The following MAML3 variants were observed in gnomAD, a reference collection of about 807,000 sequenced individuals.
The protein encoded by MAML3 is mastermind like transcriptional coactivator 3.
A neutral mutation model predicts 101.9 loss-of-function variants in MAML3; 27 were observed. That is an observed-to-expected ratio of 0.27 (90% CI 0.20 to 0.37). The LOEUF is 0.37. Ranked by LOEUF, MAML3 falls within the 10% of genes least tolerant of loss-of-function variation. The pLI is 1.00. For missense variants in MAML3, 1,316 were observed against 1,444.9 expected, an observed-to-expected ratio of 0.91 and a Z score of 1.45; for synonymous variants, 501 against 555.9, an observed-to-expected ratio of 0.90 and a Z score of 1.39.
intron 2 of MAML3, among the ~76,000 whole-genome samples, chr4:139,782,728 T>C (rs1017825154): frequency 2.6e-5 from 4 of 152,144 alleles, no homozygotes; most frequent in African/African-American, 7.2e-5. Context: ...CCAGAGCTAG[T>C]GGTGTGCGCA....
At chr4:139,790,639 A>C (rs996258274) in intron 2 of MAML3, among the ~76,000 whole-genome samples, 10 of 152,064 alleles carry the variant, frequency 6.6e-5, no homozygotes, top group Admixed American at 4.6e-4. Context: ...GAATTGTGTA[A>C]TATTTGTTTT....
chr4:139,717,866 T>G lies in MAML3; in HGVS notation c.*1457A>C, dbSNP rs773765788. ...GAGGGGAGGCAAGGAGCCTTGTTGATTCCTTCTGACAGATTTCGCTTAGGG... is the reference window on the plus strand; with the variant it reads ...GAGGGGAGGCAAGGAGCCTTGTTGAGTCCTTCTGACAGATTTCGCTTAGGG... On this transcript the variant is annotated 3_prime_UTR_variant, in exon 5 of 5. Transcript: ENST00000509479. 6.6e-6 allele frequency: 1 copy of G among 152,070 alleles called. No homozygotes were observed. Among genetic ancestry groups the G allele is most frequent in the Non-Finnish European group, 1.5e-5 (1 of 68,044 alleles). The allele number at this position is 152,070 out of a possible 1,614,324, so 9.4% of individuals were successfully genotyped here. A position where few individuals can be genotyped will look rare whatever the true frequency, so the allele number is the denominator to read the frequency against.
chr4:140,080,899 A>G (rs1414782146), intron 1 of MAML3, among the ~76,000 whole-genome samples: 3 of 152,244 alleles, frequency 2.0e-5, no homozygotes, highest in African/African-American at 7.2e-5. Context: ...GAAATTCTGA[A>G]TTGAGCAGGC....
At chr4:140,107,782 G>A (rs182793583) in intron 1 of MAML3, among the ~76,000 whole-genome samples, 75 of 151,434 alleles carry the variant, frequency 5.0e-4, no homozygotes, top group African/African-American at 1.7e-3. Context: ...TGGGATTACC[G>A]GCATGAGCCA....
At chr4:140,045,912 T>C (rs181642941) in intron 1 of MAML3, among the ~76,000 whole-genome samples, 17 of 152,330 alleles carry the variant, frequency 1.1e-4, no homozygotes, top group African/African-American at 4.1e-4. Context: ...CCTAGTCTTC[T>C]AGGGTTAAGC....
intron 2 of MAML3, among the ~76,000 whole-genome samples, chr4:139,779,256 A>C (rs1458303143): frequency 2.0e-5 from 3 of 152,146 alleles, no homozygotes; most frequent in Admixed American, 1.3e-4. Context: ...GGGCTCTATA[A>C]ATGCTAATGA....
At chr4:140,040,315 G>A (rs1231212825) in intron 1 of MAML3, among the ~76,000 whole-genome samples, 6 of 152,192 alleles carry the variant, frequency 3.9e-5, no homozygotes, top group African/African-American at 1.2e-4. Context: ...GAAATATACC[G>A]TGAACTCCGG....
intron 1 of MAML3, among the ~76,000 whole-genome samples, chr4:140,064,774 C>T (rs372856234): frequency 1.3e-5 from 2 of 152,206 alleles, no homozygotes; most frequent in Non-Finnish European, 2.9e-5. Flanking sequence ...ATCACCACTT[C>T]TCTCTCCTGA....
chr4:139,940,727 T>C (rs1424388179), intron 1 of MAML3, among the ~76,000 whole-genome samples: 2 of 152,142 alleles, frequency 1.3e-5, no homozygotes, highest in African/African-American at 2.4e-5. Context: ...CCTGAATAAT[T>C]TGATGTGGAT....
chr4:140,118,347 T>A (rs1436917837), intron 1 of MAML3, among the ~76,000 whole-genome samples: 1 of 152,092 alleles, frequency 6.6e-6, no homozygotes, highest in African/African-American at 2.4e-5. Context: ...TATACACCTA[T>A]CTCATTAGGT....
intron 2 of MAML3, among the ~76,000 whole-genome samples, chr4:139,862,732 T>C (rs774924263): frequency 6.6e-6 from 1 of 152,022 alleles, no homozygotes; most frequent in East Asian, 1.9e-4. Context: ...TGAATACCCA[T>C]ATAAGAAGTG....
chr4:140,098,601 A>C (rs1285863625), intron 1 of MAML3, among the ~76,000 whole-genome samples: 2 of 152,246 alleles, frequency 1.3e-5, no homozygotes, highest in African/African-American at 4.8e-5. Context: ...AACTGGACGC[A>C]GTACCAATGC....
chr4:140,148,633 T>C (rs1221628510), intron 1 of MAML3, among the ~76,000 whole-genome samples: 1 of 152,076 alleles, frequency 6.6e-6, no homozygotes, highest in Admixed American at 6.5e-5. Context: ...GCCAAAAAAA[T>C]TGATACAGAG....
chr4:140,115,814 T>C (rs1245733573), intron 1 of MAML3, among the ~76,000 whole-genome samples: 3 of 152,244 alleles, frequency 2.0e-5, no homozygotes, highest in Admixed American at 6.5e-5. Flanking sequence ...GATTCTTTTT[T>C]ATAATGTAAA....
At chr4:139,926,531 C>T (rs1013140369) in intron 1 of MAML3, among the ~76,000 whole-genome samples, 9 of 152,050 alleles carry the variant, frequency 5.9e-5, no homozygotes, top group African/African-American at 2.2e-4. Context: ...ACCTGGGAGG[C>T]GGAGCTTGCA....
At chr4:140,092,267 C>G (rs1442547802) in intron 1 of MAML3, among the ~76,000 whole-genome samples, 3 of 151,974 alleles carry the variant, frequency 2.0e-5, no homozygotes, top group African/African-American at 7.3e-5. Flanking sequence ...TGCAAGGAAA[C>G]TTTCAGAAAA....
At chr4:139,751,693 T>C (rs1441536599) in intron 2 of MAML3, among the ~76,000 whole-genome samples, 1 of 152,152 alleles carries the variant, frequency 6.6e-6, no homozygotes, top group Non-Finnish European at 1.5e-5. Context: ...ATGGGTGGGT[T>C]TGATGGACCC....
intron 2 of MAML3, among the ~76,000 whole-genome samples, chr4:139,867,287 T>G (rs1314724258): frequency 6.6e-6 from 1 of 152,218 alleles, no homozygotes; most frequent in African/African-American, 2.4e-5. Flanking sequence ...GAATGTGTAT[T>G]TTTCTGGTGA....
chr4:139,889,603 G>A lies in MAML3; in HGVS notation c.1833C>T (p.Asp611=), dbSNP rs1732421538. The A allele has an allele frequency of 1.2e-6, 2 of 1,613,892 alleles. No individual in the cohort carries two copies. Among genetic ancestry groups the A allele is most frequent in the African/African-American group, 1.3e-5 (1 of 75,006 alleles). The change falls in exon 2 of 5, where the codon GAC becomes GAT. Residue 611 remains aspartate, a synonymous_variant. Coordinates refer to ENST00000509479, the MANE Select transcript of MAML3 (RefSeq NM_018717.5). Reference sequence around the variant, plus strand: ...CTGGTGGTGTCATCCTCTGACTCAGGTCTGCATTGAAGTGGGTCAGGGGTT... The same window carrying A: ...CTGGTGGTGTCATCCTCTGACTCAGATCTGCATTGAAGTGGGTCAGGGGTT... The part of the protein sequence containing the change: ...NTKPLTHFNA[D]LSQRMTPPVA...
Sources: gnomAD v4.1 joint callset for allele counts (sites outside exome capture counted in the v4.1 genomes callset) on GRCh38, gnomAD v4.1.1 for gene constraint, MANE v1.5 for transcripts, NCBI Gene and HGNC (gene_info 2026-07-23, HGNC 2026-07-21) for gene names.